The following COL4A3 variants were observed in gnomAD, a reference collection of about 807,000 sequenced individuals.
COL4A3 encodes the protein collagen type IV alpha 3 chain.
A neutral mutation model predicts 217.4 loss-of-function variants in COL4A3; 135 were observed. The observed-to-expected ratio is 0.62, with a 90% CI of 0.54 to 0.72. COL4A3 has a LOEUF of 0.72. Ranked by LOEUF, COL4A3 falls within the 30% of genes least tolerant of loss-of-function variation. The pLI, the probability that COL4A3 is intolerant of heterozygous loss-of-function variation, is 0.00. For synonymous variants in COL4A3, 690 were observed against 736.3 expected (o/e 0.94, Z 1.02); for missense variants, 1,868 against 2,119.9 (o/e 0.88, Z 2.33).
At chr2:227,174,073 CAGGCTGAGTTGTGCA>C (rs1329676421) in intron 1 of COL4A3, among the ~76,000 whole-genome samples, 4 of 152,174 alleles carry the variant, frequency 2.6e-5, no homozygotes, top group African/African-American at 9.7e-5. Flanking sequence ...GGCAAAAAAT[CAGGCTGAGTTGTGCA>C]TAAATATCTG....
chr2:227,243,815 T>G (rs2069163269), intron 3 of COL4A3, among the ~76,000 whole-genome samples: 1 of 152,180 alleles, frequency 6.6e-6, no homozygotes, highest in Admixed American at 6.5e-5. Flanking sequence ...GCTATATATT[T>G]CCTTGTGCAT....
intron 1 of COL4A3, among the ~76,000 whole-genome samples, chr2:227,230,062 A>AAAG (rs1559847654): frequency 4.8e-5 from 7 of 147,286 alleles, no homozygotes; most frequent in Non-Finnish European, 7.5e-5. Context: ...AAAAAAAAAA[A>AAAG]AAAAGAAATT....
At chr2:227,256,185 A>C in intron 16 of COL4A3, 115 bp downstream of exon 16, 1 of 1,216,024 alleles carries the variant, frequency 8.2e-7, no homozygotes, top group Non-Finnish European at 1.2e-6. Context: ...ACAGCTTTTA[A>C]AAACTGCATT....
In COL4A3 at chr2:227,240,182, C is replaced by T. The variant is rs2125891603; in HGVS notation, c.184C>T (p.Gln62Ter). ...GFPGPPGSPG[Q>*]KGFTGPEGLP... is the part of the protein sequence containing the mutation. ...TCCTGGACCCCCCGGTTCTCCTGGC[C>T]AGAAAGGATTCACAGGTCCTGAAGG... Residue 62 changes from glutamine (Q) to a stop codon, truncating the protein, a stop_gained, in exon 3 of 52, where the codon CAG becomes TAG. Coordinates refer to ENST00000396578, the MANE Select transcript of COL4A3 (RefSeq NM_000091.5). LOFTEE classifies it high-confidence loss of function. The T allele has an allele frequency of 6.2e-7, 1 of 1,611,974 alleles. No homozygotes were observed. The highest frequency in any genetic ancestry group is 8.5e-7 in the Non-Finnish European group (1 of 1,179,236).
At position 227,307,902 on chromosome 2, in the gene COL4A3, C is replaced by T. The variant is rs199755408; in HGVS notation, c.4445C>T (p.Ala1482Val). 506 of 1,614,018 alleles carry T rather than the reference C, an allele frequency of 3.1e-4. 3 individuals are homozygous for T. The African/African-American group carries it at 5.9e-3, about 19-fold the overall frequency. ...CTTTTTGTACAAGGAAATCAACGAG[C>T]CCACGGACAAGACCTTGGTAATGTC... The part of the protein sequence containing the change: ...SFLFVQGNQR[A>V]HGQDLGTLGS... The change falls in exon 48 of 52, where the codon GCC becomes GTC. Residue 1482 changes from alanine (A) to valine (V), a missense_variant. Around this residue, in one of 2 missense-constraint regions of COL4A3, gnomAD observed 1,503 missense variants for 1,786.1 expected, o/e 0.84. Coordinates refer to ENST00000396578, the MANE Select transcript of COL4A3 (RefSeq NM_000091.5).
intron 1 of COL4A3, among the ~76,000 whole-genome samples, chr2:227,186,618 G>A (rs2066042550): frequency 6.6e-6 from 1 of 152,152 alleles, no homozygotes; most frequent in South Asian, 2.1e-4. Context: ...TTATTAAGGG[G>A]GTAAGTAGGC....
intron 3 of COL4A3, 64 bp from the exon 4 acceptor site, chr2:227,244,256 A>G: frequency 7.2e-7 from 1 of 1,388,044 alleles, no homozygotes; most frequent in Non-Finnish European, 1.0e-6. Flanking sequence ...GGTTTGATGT[A>G]TGGGTTTCTT....
chr2:227,199,458 C>G (rs796540442), intron 1 of COL4A3, among the ~76,000 whole-genome samples: 2 of 152,184 alleles, frequency 1.3e-5, no homozygotes, highest in African/African-American at 4.8e-5. Context: ...TAGTTCACTT[C>G]GGCTCATTCA....
chr2:227,249,212 G>GTATATATATATATATA lies in COL4A3; in HGVS notation c.546+696_546+711dup, dbSNP rs1553751598. ...AATTATATATAACCAAAATTAGCTA[G>GTATATATATATATATA]TATATATATATATATATATTTTTTT... On this transcript the variant is annotated intron_variant, in intron 9 of 51. Coordinates refer to ENST00000396578, the MANE Select transcript of COL4A3 (RefSeq NM_000091.5). Among the ~76,000 whole-genome samples, 130 of 33,158 alleles carry GTATATATATATATATA rather than the reference G, an allele frequency of 3.9e-3. 10 individuals are homozygous for GTATATATATATATATA. The highest frequency in any genetic ancestry group is 5.5e-3 in the Non-Finnish European group (93 of 16,962). The allele number at this position is 33,158 out of a possible 152,430, so 21.8% of individuals were successfully genotyped here. A position where few individuals can be genotyped will look rare whatever the true frequency, so the allele number is the denominator to read the frequency against.
intron 1 of COL4A3, among the ~76,000 whole-genome samples, chr2:227,211,686 C>T (rs1439339509): frequency 7.4e-6 from 1 of 134,534 alleles, no homozygotes; most frequent in Admixed American, 7.3e-5. Context: ...GAGACAGAGT[C>T]TTGCTCTGTT....
intron 1 of COL4A3, among the ~76,000 whole-genome samples, chr2:227,202,042 A>T (rs1466414813): frequency 6.6e-6 from 1 of 152,218 alleles, no homozygotes; most frequent in Non-Finnish European, 1.5e-5. Context: ...CCTGTTTAGC[A>T]GTTTGATTTC....
At chr2:227,257,346 C>T (rs148213725) in intron 17 of COL4A3, among the ~76,000 whole-genome samples, 1 of 152,322 alleles carries the variant, frequency 6.6e-6, no homozygotes, top group African/African-American at 2.4e-5. Flanking sequence ...ACAAGCATTG[C>T]AGATGGTGTT....
rs969237845 is a variant in COL4A3, at chr2:227,253,243, T to C, written c.646-53T>C. The C allele has an allele frequency of 6.9e-7, 1 of 1,454,154 alleles. No homozygotes were observed. Among genetic ancestry groups the C allele is most frequent in the African/African-American group, 1.4e-5 (1 of 71,426 alleles). The allele number at this position is 1,454,154 out of a possible 1,614,324, so 90.1% of individuals were successfully genotyped here. On this transcript the variant is annotated intron_variant, in intron 11 of 51. Transcript: ENST00000396578. This position sits in a 1 kb window ranked among gnomAD's most constrained non-coding sequence, Gnocchi z 4.4. ...TATTGGAACTTTGATGGGTTTAGAC[T>C]ATTTATTCATATTTATTTTTAGAAA...
At chr2:227,257,744 A>G (rs1299419507) in intron 18 of COL4A3, 100 bp downstream of exon 18, 3 of 1,067,080 alleles carry the variant, frequency 2.8e-6, no homozygotes, top group Non-Finnish European at 4.4e-6. Context: ...TGTGTGAGAG[A>G]GATTATAACA....
chr2:227,213,559 C>T (rs1255642176), intron 1 of COL4A3, among the ~76,000 whole-genome samples: 1 of 152,108 alleles, frequency 6.6e-6, no homozygotes, highest in African/African-American at 2.4e-5. Flanking sequence ...AGCTCTACAC[C>T]ATATGTAAGA....
intron 20 of COL4A3, among the ~76,000 whole-genome samples, 172 bp downstream of exon 20, chr2:227,261,289 C>A (rs1350875604): frequency 1.3e-5 from 2 of 152,206 alleles, no homozygotes; most frequent in African/African-American, 4.8e-5. Context: ...TTTTGGGAGA[C>A]CACGGCAGGT....
chr2:227,195,667 A>ATATATATG (rs1226857286), intron 1 of COL4A3, among the ~76,000 whole-genome samples: 3 of 139,892 alleles, frequency 2.1e-5, no homozygotes, highest in African/African-American at 8.2e-5. Context: ...ATATATATAT[A>ATATATATG]TGTGTGTGTG....
intron 1 of COL4A3, among the ~76,000 whole-genome samples, chr2:227,177,599 G>A (rs2065725881): frequency 6.6e-6 from 1 of 152,128 alleles, no homozygotes; most frequent in South Asian, 2.1e-4. Flanking sequence ...TCCCTTATCT[G>A]CTATTTTGCT....
chr2:227,221,202 T>A (rs1212748824), intron 1 of COL4A3: 1 of 152,238 alleles, frequency 6.6e-6, no homozygotes, highest in Non-Finnish European at 1.5e-5. Context: ...TGTCACTGGT[T>A]CCCCTGTAAG....
Sources: gnomAD v4.1 joint callset for allele counts (sites outside exome capture counted in the v4.1 genomes callset) on GRCh38, gnomAD v4.1.1 for gene constraint, gnomAD v4.1.1 regional missense constraint, Gnocchi (gnomAD v3.1) non-coding constraint, MANE v1.5 for transcripts, NCBI Gene and HGNC (gene_info 2026-07-23, HGNC 2026-07-21) for gene names.